The following STEAP1B variants were observed in gnomAD, a reference collection of about 807,000 sequenced individuals.
STEAP1B encodes the protein STEAP family protein MGC87042.
Under a neutral mutation model 27.9 loss-of-function variants are expected in STEAP1B, and 13 were observed. The ratio of observed to expected loss-of-function variants is 0.47; its 90% CI spans 0.30 to 0.74. STEAP1B has a LOEUF of 0.74. Ranked by LOEUF, STEAP1B falls within the 30% of genes least tolerant of loss-of-function variation. The pLI is 0.06. For missense variants in STEAP1B, 250 were observed against 298.7 expected, an observed-to-expected ratio of 0.84 and a Z score of 1.20; for synonymous variants, 86 against 107.1, an observed-to-expected ratio of 0.80 and a Z score of 1.22.
chr7:22,430,887 C>A (rs976220018), intron 4 of STEAP1B, among the ~76,000 whole-genome samples: 3 of 152,214 alleles, frequency 2.0e-5, no homozygotes, highest in Admixed American at 1.3e-4. Flanking sequence ...GACATGGAAC[C>A]CTTGGCTCTA....
intron 4 of STEAP1B, among the ~76,000 whole-genome samples, chr7:22,429,688 T>C (rs931721786): frequency 2.0e-5 from 3 of 152,244 alleles, no homozygotes; most frequent in Non-Finnish European, 4.4e-5. Context: ...TAAAAACTTA[T>C]GAATTGTTTA....
At chr7:22,467,475 G>C (rs1215445324) in intron 4 of STEAP1B, among the ~76,000 whole-genome samples, 1 of 152,118 alleles carries the variant, frequency 6.6e-6, no homozygotes, top group Non-Finnish European at 1.5e-5. Flanking sequence ...ATACTGATAT[G>C]GTTTGGCTAT....
At chr7:22,430,248 G>A (rs1279085011) in intron 4 of STEAP1B, among the ~76,000 whole-genome samples, 1 of 152,118 alleles carries the variant, frequency 6.6e-6, no homozygotes, top group Non-Finnish European at 1.5e-5. Context: ...GCTCTCACCT[G>A]CCTATTGGAA....
At chr7:22,476,158 C>A (rs1462862038) in intron 4 of STEAP1B, among the ~76,000 whole-genome samples, 1 of 152,188 alleles carries the variant, frequency 6.6e-6, no homozygotes, top group African/African-American at 2.4e-5. Flanking sequence ...GTTGGTGGGA[C>A]AGAGTCTCCC....
chr7:22,438,679 G>A (rs1161512757), intron 4 of STEAP1B: 4 of 1,551,712 alleles, frequency 2.6e-6, no homozygotes, highest in African/African-American at 2.7e-5. Context: ...GAAATTTGGT[G>A]TGCCTACCAG....
chr7:22,429,752 G>C (rs1785154699), intron 4 of STEAP1B, among the ~76,000 whole-genome samples: 1 of 152,094 alleles, frequency 6.6e-6, no homozygotes, highest in Admixed American at 6.6e-5. Context: ...GCCAGTCGTT[G>C]AAACTCCTGA....
intron 4 of STEAP1B, among the ~76,000 whole-genome samples, chr7:22,490,115 T>C (rs552330853): frequency 2.4e-4 from 37 of 152,292 alleles, no homozygotes; most frequent in African/African-American, 8.4e-4. Context: ...ATCCAAAAGA[T>C]CTTTTTCGAT....
intron 4 of STEAP1B, among the ~76,000 whole-genome samples, chr7:22,466,120 C>T (rs981010872): frequency 3.3e-5 from 5 of 152,128 alleles, no homozygotes; most frequent in African/African-American, 1.2e-4. Context: ...CTAGGTCACA[C>T]CTATAATTGA....
intron 4 of STEAP1B, among the ~76,000 whole-genome samples, chr7:22,482,046 G>C (rs1786084334): frequency 6.6e-6 from 1 of 152,196 alleles, no homozygotes; most frequent in African/African-American, 2.4e-5. Context: ...GCTCCCCACA[G>C]GGGCCAGGCA....
chr7:22,477,589 G>A (rs779552945), intron 4 of STEAP1B, among the ~76,000 whole-genome samples: 3 of 152,210 alleles, frequency 2.0e-5, no homozygotes, highest in African/African-American at 4.8e-5. Flanking sequence ...AAATGGAAGC[G>A]TATTACGCAA....
intron 4 of STEAP1B, among the ~76,000 whole-genome samples, chr7:22,459,911 T>A (rs1785649145): frequency 6.6e-6 from 1 of 152,198 alleles, no homozygotes; most frequent in Non-Finnish European, 1.5e-5. Context: ...AGTTTCATTA[T>A]CCAATTTCCC....
At position 22,493,658 on chromosome 7, in the gene STEAP1B, T is replaced by G. The variant is rs775911688; in HGVS notation, c.263A>C (p.Tyr88Ser). The G allele has an allele frequency of 6.2e-7, 1 of 1,613,938 alleles. No homozygotes were observed. Among genetic ancestry groups the G allele is most frequent in the South Asian group, 1.1e-5 (1 of 91,074 alleles). Residue 88 changes from tyrosine (Y) to serine (S), a missense_variant, in exon 3 of 5, where the codon TAC becomes TCC. Coordinates refer to ENST00000678116, the MANE Select transcript of STEAP1B (RefSeq NM_001382447.1). ...GTGAATTACTTCCCTCAGAAGAGTGTAAAGAAAAGTCAGAGATGCCATAAC... is the reference window on the plus strand; with the variant it reads ...GTGAATTACTTCCCTCAGAAGAGTGGAAAGAAAAGTCAGAGATGCCATAAC... ...AAVMASLTFL[Y>S]TLLREVIHPL...
intron 4 of STEAP1B, among the ~76,000 whole-genome samples, chr7:22,430,300 T>C (rs1262378144): frequency 6.6e-6 from 1 of 152,174 alleles, no homozygotes; most frequent in Non-Finnish European, 1.5e-5. Flanking sequence ...ATGAAATTAA[T>C]TAGGGCACAT....
At chr7:22,447,301 T>C (rs1295710642) in intron 4 of STEAP1B, among the ~76,000 whole-genome samples, 2 of 152,224 alleles carry the variant, frequency 1.3e-5, no homozygotes, top group Admixed American at 6.5e-5. Flanking sequence ...CCAATACAGT[T>C]TGGTGACAGA....
At chr7:22,463,920 C>A (rs2128408697) in intron 4 of STEAP1B, among the ~76,000 whole-genome samples, 1 of 151,466 alleles carries the variant, frequency 6.6e-6, no homozygotes, top group Non-Finnish European at 1.5e-5. Context: ...TCTAAAACAC[C>A]AAAAGCAATG....
chr7:22,455,235 T>G (rs2128405887), intron 4 of STEAP1B, among the ~76,000 whole-genome samples: 1 of 152,304 alleles, frequency 6.6e-6, no homozygotes, highest in South Asian at 2.1e-4. Flanking sequence ...TAAATCAGGA[T>G]CTGGCACAGG....
intron 4 of STEAP1B, among the ~76,000 whole-genome samples, chr7:22,475,143 C>T (rs1224127634): frequency 2.0e-5 from 3 of 152,210 alleles, no homozygotes; most frequent in Non-Finnish European, 4.4e-5. Flanking sequence ...ATTTTATCCC[C>T]ACCTAAAAAT....
At position 22,500,104 on chromosome 7, in the gene STEAP1B, A is replaced by C. The variant is rs1786511092; in HGVS notation, c.-32+10T>G. ...GCAAACGGCCAGTGAGAACGATTCAAGGGACTCACCCACTCCTCGCCGTAG... is the reference window on the plus strand; with the variant it reads ...GCAAACGGCCAGTGAGAACGATTCACGGGACTCACCCACTCCTCGCCGTAG... On this transcript the variant is annotated intron_variant, in intron 1 of 4. Coordinates refer to ENST00000678116, the MANE Select transcript of STEAP1B (RefSeq NM_001382447.1). 6.5e-6 allele frequency: 1 copy of C among 153,390 alleles called. No individual in the cohort carries two copies. Among genetic ancestry groups the C allele is most frequent in the Non-Finnish European group, 1.5e-5 (1 of 68,258 alleles). The allele number at this position is 153,390 out of a possible 1,614,324, so 9.5% of individuals were successfully genotyped here.
chr7:22,485,744 G>A (rs1176226938), intron 4 of STEAP1B, among the ~76,000 whole-genome samples: 3 of 152,130 alleles, frequency 2.0e-5, no homozygotes, highest in Non-Finnish European at 4.4e-5. Flanking sequence ...CATAGTTTGC[G>A]TGAAATTCCA....
Sources: gnomAD v4.1 joint callset for allele counts (sites outside exome capture counted in the v4.1 genomes callset) on GRCh38, gnomAD v4.1.1 for gene constraint, MANE v1.5 for transcripts, NCBI Gene and HGNC (gene_info 2026-07-23, HGNC 2026-07-21) for gene names.